The following MAPK14 variants were observed in gnomAD, a reference collection of about 807,000 sequenced individuals.
The protein encoded by MAPK14 is CSAID-binding protein.
In MAPK14, 16 loss-of-function variants were observed where a neutral mutation model predicts 49.6. The ratio of observed to expected loss-of-function variants is 0.32; its 90% CI spans 0.22 to 0.49. The LOEUF (loss-of-function observed/expected upper bound fraction) is 0.49, where lower values mean the gene tolerates loss of function less well. Ranked by LOEUF, MAPK14 falls within the 20% of genes least tolerant of loss-of-function variation. The pLI is 0.99. For synonymous variants in MAPK14, 142 were observed against 158.0 expected, an observed-to-expected ratio of 0.90 and a Z score of 0.76; for missense variants, 200 against 441.2, an observed-to-expected ratio of 0.45 and a Z score of 4.90.
chr6:36,084,753 C>T (rs1376485500), intron 8 of MAPK14, among the ~76,000 whole-genome samples: 1 of 152,168 alleles, frequency 6.6e-6, no homozygotes, highest in Non-Finnish European at 1.5e-5. Context: ...AAACACACTT[C>T]AGGATATCAG....
intron 1 of MAPK14, among the ~76,000 whole-genome samples, chr6:36,047,950 G>A (rs1303103685): frequency 6.6e-6 from 1 of 151,890 alleles, no homozygotes; most frequent in African/African-American, 2.4e-5. Context: ...CACCATGTTG[G>A]CCAGGCTGGT....
intron 11 of MAPK14, 60 bp from the exon 12 acceptor site, chr6:36,108,320 C>A: frequency 7.7e-7 from 1 of 1,296,340 alleles, no homozygotes; most frequent in Non-Finnish European, 1.1e-6. Flanking sequence ...AGTCAGAGTG[C>A]TTGCCAGCAA....
chr6:36,045,221 T>C (rs1035785945), intron 1 of MAPK14, among the ~76,000 whole-genome samples: 10 of 152,144 alleles, frequency 6.6e-5, no homozygotes, highest in Non-Finnish European at 1.5e-4. Context: ...CAGCAATCTG[T>C]ACTGATGGAT....
intron 8 of MAPK14, among the ~76,000 whole-genome samples, chr6:36,077,069 T>C (rs535713915): frequency 6.6e-6 from 1 of 152,318 alleles, no homozygotes; most frequent in East Asian, 1.9e-4. Flanking sequence ...TTGTTATGTT[T>C]GTTGTTTGAC....
intron 2 of MAPK14, among the ~76,000 whole-genome samples, chr6:36,053,907 T>A (rs1246763549): frequency 1.3e-5 from 2 of 152,144 alleles, no homozygotes; most frequent in African/African-American, 4.8e-5. Context: ...ATTTTCACAT[T>A]TTATTTTGAT....
intron 1 of MAPK14, among the ~76,000 whole-genome samples, chr6:36,047,086 C>T (rs1359436223): frequency 6.6e-6 from 1 of 152,140 alleles, no homozygotes; most frequent in Non-Finnish European, 1.5e-5. Context: ...TTACTTGCTA[C>T]TTTTGAGAGG....
At chr6:36,040,648 G>A (rs1271237076) in intron 1 of MAPK14, among the ~76,000 whole-genome samples, 2 of 152,122 alleles carry the variant, frequency 1.3e-5, no homozygotes, top group Non-Finnish European at 2.9e-5. Context: ...AATTAGTGAG[G>A]GAGACCCAAT....
chr6:36,060,752 G>T (rs141214554), intron 3 of MAPK14, among the ~76,000 whole-genome samples: 156 of 152,316 alleles, frequency 1.0e-3, no homozygotes, highest in African/African-American at 3.5e-3. Flanking sequence ...AGATGAAATG[G>T]AAAGGGAAGG....
chr6:36,052,862 A>T, intron 2 of MAPK14, 34 bp downstream of exon 2: 1 of 1,577,664 alleles, frequency 6.3e-7, no homozygotes, highest in Non-Finnish European at 8.7e-7. Flanking sequence ...ATACATTTTG[A>T]TCTTGAATAG....
intron 8 of MAPK14, among the ~76,000 whole-genome samples, chr6:36,088,709 G>A (rs1177946492): frequency 2.0e-5 from 3 of 146,598 alleles, no homozygotes; most frequent in Non-Finnish European, 4.5e-5. Flanking sequence ...GCGACAGAGC[G>A]AGACTCCGTC....
At position 36,105,723 on chromosome 6, in the gene MAPK14, C is replaced by T. The variant is rs57701959; in HGVS notation, c.842-1732C>T. Among the ~76,000 whole-genome samples the T allele has an allele frequency of 3.9e-3, 601 of 152,246 alleles. 2 individuals are homozygous for T. Among genetic ancestry groups the T allele is most frequent in the Middle Eastern group, 0.014 (4 of 294 alleles). On this transcript the variant is annotated intron_variant, in intron 10 of 11. Coordinates refer to ENST00000229794, the MANE Select transcript of MAPK14 (RefSeq NM_139012.3). The stretch of plus-strand genomic sequence containing the variant: ...TTACTCTGGAATTCAAGCTGTAGGA[C>T]GGGTGTTTTACAGCCTCCAATATAC...
At chr6:36,096,119 C>A in intron 9 of MAPK14, 53 bp downstream of exon 9, 1 of 1,270,378 alleles carries the variant, frequency 7.9e-7, no homozygotes, top group Non-Finnish European at 1.1e-6. Context: ...TGCCACTTGC[C>A]TTCTACCAAT....
chr6:36,106,419 A>G (rs1037372797), intron 10 of MAPK14, among the ~76,000 whole-genome samples: 1 of 152,214 alleles, frequency 6.6e-6, no homozygotes, highest in Non-Finnish European at 1.5e-5. Flanking sequence ...AAAACCAGTC[A>G]GTTGCAGTGC....
Position 36,107,424 on chromosome 6 carries a change from C to T in MAPK14, c.842-31C>T. The T allele has an allele frequency of 1.4e-6, 2 of 1,460,556 alleles. No individual in the cohort carries two copies. Among genetic ancestry groups the T allele is most frequent in the Non-Finnish European group, 1.8e-6 (2 of 1,095,382 alleles). The allele number at this position is 1,460,556 out of a possible 1,614,324, so 90.5% of individuals were successfully genotyped here. A position where few individuals can be genotyped will look rare whatever the true frequency, so the allele number is the denominator to read the frequency against. ...ATACTTTTTTGTAACATGTTAAAAA[C>T]TCTTTTCCTTCCTGTCTATGGTACT... On this transcript the variant is annotated intron_variant, in intron 10 of 11. Coordinates refer to ENST00000229794, the MANE Select transcript of MAPK14 (RefSeq NM_139012.3). The surrounding 1 kb of genome is among the most constrained non-coding windows in gnomAD (Gnocchi z 4.3).
chr6:36,108,514 C>A lies in MAPK14; in HGVS notation c.*67C>A. ...GGAAGGCCTTTTCACGGGAACTCTC[C>A]AAATATTATTCAAGTGCCTCTTGTT... On this transcript the variant is annotated 3_prime_UTR_variant, in exon 12 of 12. Coordinates refer to ENST00000229794, the MANE Select transcript of MAPK14 (RefSeq NM_139012.3). 7.9e-7 allele frequency: 1 copy of A among 1,272,530 alleles called. No homozygotes were observed. The highest frequency in any genetic ancestry group is 1.2e-6 in the Non-Finnish European group (1 of 869,274). The allele number at this position is 1,272,530 out of a possible 1,614,324, so 78.8% of individuals were successfully genotyped here.
intron 1 of MAPK14, among the ~76,000 whole-genome samples, chr6:36,038,538 C>G (rs961825707): frequency 1.3e-5 from 2 of 152,172 alleles, no homozygotes; most frequent in Admixed American, 6.5e-5. Flanking sequence ...TAACAGATTA[C>G]TGTGCTCTAG....
chr6:36,095,962 A>G, intron 8 of MAPK14, 25 bp from the exon 9 acceptor site: 1 of 1,404,948 alleles, frequency 7.1e-7, no homozygotes, highest in Non-Finnish European at 1.0e-6. Context: ...TTGTCCCAAC[A>G]TTTTCCTTTA....
chr6:36,033,489 G>T (rs1402661073), intron 1 of MAPK14, among the ~76,000 whole-genome samples: 1 of 151,942 alleles, frequency 6.6e-6, no homozygotes, highest in African/African-American at 2.4e-5. Flanking sequence ...GCTGATTTTT[G>T]TATTTTTAGT....
intron 8 of MAPK14, among the ~76,000 whole-genome samples, chr6:36,083,269 A>G (rs912036358): frequency 6.6e-6 from 1 of 152,192 alleles, no homozygotes; most frequent in African/African-American, 2.4e-5. Context: ...ACCCCAAGCC[A>G]AGGGAGGTGG....
Sources: gnomAD v4.1 joint callset for allele counts (sites outside exome capture counted in the v4.1 genomes callset) on GRCh38, gnomAD v4.1.1 for gene constraint, Gnocchi (gnomAD v3.1) non-coding constraint, MANE v1.5 for transcripts, NCBI Gene and HGNC (gene_info 2026-07-23, HGNC 2026-07-21) for gene names.